Variants in ZFPM2 observed in about 807,000 individuals in gnomAD.
The protein encoded by ZFPM2 is zinc finger protein ZFPM2.
In ZFPM2, 20 loss-of-function variants were observed where a neutral mutation model predicts 98.6. That is an observed-to-expected ratio of 0.20 (90% confidence interval 0.14 to 0.29). ZFPM2 has a LOEUF of 0.29. ZFPM2 is among the 10% of genes least tolerant of loss of function. The pLI, the probability that ZFPM2 is intolerant of heterozygous loss-of-function variation, is 1.00. For synonymous variants in ZFPM2, 518 were observed against 502.7 expected (o/e 1.03, Z -0.41); for missense variants, 1,310 against 1,388.6 (o/e 0.94, Z 0.90).
chr8:105,440,625 A>G (rs193118419), intron 2 of ZFPM2, among the ~76,000 whole-genome samples: 9 of 152,284 alleles, frequency 5.9e-5, no homozygotes, highest in African/African-American at 2.2e-4. Context: ...GGAAGCATCT[A>G]TGGGCTCACC....
At chr8:105,690,600 A>G (rs1244339246) in intron 5 of ZFPM2, among the ~76,000 whole-genome samples, 6 of 152,120 alleles carry the variant, frequency 3.9e-5, no homozygotes, top group African/African-American at 1.4e-4. Context: ...CTCAGGTACA[A>G]CGAAATGAGA....
At position 105,737,159 on chromosome 8, in the gene ZFPM2, C is replaced by G. The variant is rs566613872; in HGVS notation, c.533-51559C>G. ...AGTTTGTGTGCATGATCATCTTAAT[C>G]AAATTTGAGAAGATTTCCTCTCAAA... On this transcript the variant is annotated intron_variant, in intron 5 of 7. Transcript: ENST00000407775. 6 of 152,116 alleles carry G rather than the reference C, an allele frequency of 3.9e-5. No homozygotes were observed. The East Asian group carries it at 5.9e-4, about 15-fold the overall frequency. 9.4% of individuals were successfully genotyped at this position (152,116 alleles called of 1,614,324 possible).
intron 5 of ZFPM2, among the ~76,000 whole-genome samples, chr8:105,677,169 A>G (rs144168813): frequency 4.3e-3 from 660 of 152,226 alleles, no homozygotes; most frequent in Non-Finnish European, 7.6e-3. Flanking sequence ...AATATGTTAG[A>G]ATATTTCTCT....
At chr8:105,527,675 A>G (rs73304189) in intron 3 of ZFPM2, among the ~76,000 whole-genome samples, 42,074 of 152,074 alleles carry the variant, frequency 0.28, 7,158 homozygotes, top group African/African-American at 0.49. Flanking sequence ...GTTCTGAGAC[A>G]TATGCTGGAC....
At chr8:105,331,493 G>C (rs1020088093) in intron 1 of ZFPM2, among the ~76,000 whole-genome samples, 10 of 151,608 alleles carry the variant, frequency 6.6e-5, no homozygotes, top group Non-Finnish European at 1.5e-4. Context: ...TCTATACTGT[G>C]GTTAGTACCA....
intron 1 of ZFPM2, among the ~76,000 whole-genome samples, chr8:105,371,687 C>A (rs776162040): frequency 6.6e-6 from 1 of 152,044 alleles, no homozygotes; most frequent in Non-Finnish European, 1.5e-5. Context: ...AATTAAAATA[C>A]AAATTATTTG....
rs1337885053 is a variant in ZFPM2, at chr8:105,370,905, G to T, written c.41-48239G>T. Among the ~76,000 whole-genome samples, 3 of 152,134 alleles carry T rather than the reference G, an allele frequency of 2.0e-5. No individual in the cohort carries two copies. In the East Asian group the frequency reaches 5.8e-4, roughly 29 times the overall value. On this transcript the variant is annotated intron_variant, in intron 1 of 7. Transcript: ENST00000407775. Reference sequence around the variant, plus strand: ...CAAAGCTCTTCATTCCATGTGTTGTGCTGTGTGTACACACAGCAGCAGTTG... The same window carrying T: ...CAAAGCTCTTCATTCCATGTGTTGTTCTGTGTGTACACACAGCAGCAGTTG...
chr8:105,329,547 G>T (rs1022860609), intron 1 of ZFPM2, among the ~76,000 whole-genome samples: 7 of 151,752 alleles, frequency 4.6e-5, no homozygotes, highest in African/African-American at 1.7e-4. Flanking sequence ...ATATTTTATT[G>T]TAATCTTATG....
At chr8:105,538,664 T>A (rs2130618071) in intron 3 of ZFPM2, among the ~76,000 whole-genome samples, 1 of 152,150 alleles carries the variant, frequency 6.6e-6, no homozygotes, top group Non-Finnish European at 1.5e-5. Flanking sequence ...CCAAGATCAT[T>A]GTTATTTTCT....
At chr8:105,735,793 T>C (rs983273179) in intron 5 of ZFPM2, among the ~76,000 whole-genome samples, 1 of 151,994 alleles carries the variant, frequency 6.6e-6, no homozygotes, top group Non-Finnish European at 1.5e-5. Flanking sequence ...ATTTTTGCTG[T>C]ATTGTATATT....
intron 5 of ZFPM2, among the ~76,000 whole-genome samples, chr8:105,673,521 G>C (rs1817636517): frequency 6.6e-6 from 1 of 151,938 alleles, no homozygotes; most frequent in African/African-American, 2.4e-5. Context: ...ATATGCTTCT[G>C]TTACTGCCTT....
At chr8:105,499,060 A>G (rs1452384563) in intron 3 of ZFPM2, among the ~76,000 whole-genome samples, 2 of 152,148 alleles carry the variant, frequency 1.3e-5, no homozygotes, top group African/African-American at 4.8e-5. Flanking sequence ...AACATTTAAA[A>G]TAGGCATAGT....
rs777494154 is a variant in ZFPM2, at chr8:105,419,263, A to T, written c.160A>T (p.Asn54Tyr). 5 of 1,613,504 alleles carry T rather than the reference A, an allele frequency of 3.1e-6. No homozygotes were observed. Among genetic ancestry groups the T allele is most frequent in the Middle Eastern group, 1.6e-4 (1 of 6,082 alleles). Residue 54 changes from asparagine (N) to tyrosine (Y), a missense_variant, in exon 2 of 8, where the codon AAT (asparagine) becomes TAT (tyrosine). Coordinates refer to ENST00000407775, the MANE Select transcript of ZFPM2 (RefSeq NM_012082.4). ...CTTTTCCACAGAATTTGGGCCTGAA[A>T]ATCTGAGCTGCGAAGAAGTGGAATA... ...ESFSTEFGPE[N>Y]LSCEEVEYFC...
intron 5 of ZFPM2, among the ~76,000 whole-genome samples, chr8:105,779,998 C>A (rs79860594): frequency 3.4e-4 from 52 of 152,318 alleles, no homozygotes; most frequent in African/African-American, 1.0e-3. Flanking sequence ...CTGTTAGAAA[C>A]CGTATCTGGT....
chr8:105,738,771 A>T (rs1812147885), intron 5 of ZFPM2, among the ~76,000 whole-genome samples: 1 of 152,010 alleles, frequency 6.6e-6, no homozygotes, highest in African/African-American at 2.4e-5. Flanking sequence ...ATGACCAGTG[A>T]TGTCAAGCTT....
chr8:105,371,350 A>C (rs1810618808), intron 1 of ZFPM2, among the ~76,000 whole-genome samples: 1 of 152,200 alleles, frequency 6.6e-6, no homozygotes, highest in South Asian at 2.1e-4. Context: ...TAGAAGGTTA[A>C]AGGAGGTAGA....
chr8:105,521,408 AG>A (rs869126404), intron 3 of ZFPM2, among the ~76,000 whole-genome samples: 2 of 25,776 alleles, frequency 7.8e-5, no homozygotes, highest in South Asian at 1.4e-3. Context: ...TTAAGGGGGG[AG>A]GGGGGGAGGG....
intron 2 of ZFPM2, among the ~76,000 whole-genome samples, chr8:105,433,058 G>T (rs1210045003): frequency 1.3e-5 from 2 of 151,900 alleles, no homozygotes; most frequent in Non-Finnish European, 2.9e-5. Flanking sequence ...TGATTGCATT[G>T]TTGCACTCCA....
At chr8:105,567,116 G>C (rs143668570) in intron 4 of ZFPM2, among the ~76,000 whole-genome samples, 159 of 152,204 alleles carry the variant, frequency 1.0e-3, no homozygotes, top group African/African-American at 3.5e-3. Flanking sequence ...TCCCTTTGCA[G>C]TTTTATCTTT....
Sources: gnomAD v4.1 joint callset for allele counts (sites outside exome capture counted in the v4.1 genomes callset) on GRCh38, gnomAD v4.1.1 for gene constraint, MANE v1.5 for transcripts, NCBI Gene and HGNC (gene_info 2026-07-23, HGNC 2026-07-21) for gene names.